Variants in BACH2 observed in about 807,000 individuals in gnomAD.
The protein encoded by BACH2 is BACH transcriptional regulator 2, also known as transcription regulator protein BACH2.
BACH2 carries 5 observed loss-of-function variants against 61.8 expected under a neutral mutation model. That is an observed-to-expected ratio of 0.08 (90% CI 0.04 to 0.17). BACH2 has a LOEUF of 0.17. BACH2 is among the 10% of genes least tolerant of loss of function. The probability of loss-of-function intolerance (pLI) is 1.00; values close to 1 mark genes in which losing one functional copy is unlikely to be tolerated. For missense variants in BACH2, 824 were observed against 1,091.1 expected, an observed-to-expected ratio of 0.76 and a Z score of 3.45; for synonymous variants, 446 against 440.1, an observed-to-expected ratio of 1.01 and a Z score of -0.17.
chr6:90,231,070 C>A (rs1188352896), intron 3 of BACH2, among the ~76,000 whole-genome samples: 1 of 152,168 alleles, frequency 6.6e-6, no homozygotes, highest in Non-Finnish European at 1.5e-5. Context: ...CCACACCCTG[C>A]AGGCCATTTC....
chr6:90,223,073 T>TAAGGAAG (rs1237348901), intron 3 of BACH2, among the ~76,000 whole-genome samples: 1 of 152,224 alleles, frequency 6.6e-6, no homozygotes, highest in Non-Finnish European at 1.5e-5. Flanking sequence ...TTCCCCTTCC[T>TAAGGAAG]TGTCCAGTGT....
At chr6:90,105,437 C>T (rs1782858536) in intron 4 of BACH2, among the ~76,000 whole-genome samples, 1 of 152,156 alleles carries the variant, frequency 6.6e-6, no homozygotes, top group African/African-American at 2.4e-5. Context: ...TCCATACATA[C>T]TTTGTAATGT....
intron 4 of BACH2, among the ~76,000 whole-genome samples, chr6:90,093,344 G>A (rs1460013625): frequency 6.6e-6 from 1 of 152,126 alleles, no homozygotes; most frequent in Non-Finnish European, 1.5e-5. Context: ...GGTATTATGA[G>A]TGCACATCAG....
At chr6:90,080,832 A>G (rs1314835243) in intron 5 of BACH2, 1 of 939,016 alleles carries the variant, frequency 1.1e-6, no homozygotes, top group Non-Finnish European at 1.3e-6. Context: ...TGCCCTGCAG[A>G]GCTAACACCG....
At chr6:90,101,743 G>C (rs1782635487) in intron 4 of BACH2, among the ~76,000 whole-genome samples, 1 of 152,104 alleles carries the variant, frequency 6.6e-6, no homozygotes, top group Non-Finnish European at 1.5e-5. Context: ...TGACTATATA[G>C]GTTTGGATAG....
At chr6:89,985,934 T>A (rs1562346615) in intron 6 of BACH2, among the ~76,000 whole-genome samples, 1 of 152,206 alleles carries the variant, frequency 6.6e-6, no homozygotes, top group Admixed American at 6.5e-5. Flanking sequence ...GAAACCAAAG[T>A]ACAGCTGTGG....
At chr6:90,283,516 C>T (rs1029549852) in intron 1 of BACH2, among the ~76,000 whole-genome samples, 13 of 152,064 alleles carry the variant, frequency 8.5e-5, no homozygotes, top group Non-Finnish European at 1.6e-4. Flanking sequence ...GCTGGGACTA[C>T]AGGTGCCTGC....
At chr6:90,100,710 C>CATACACACACACACAG (rs1230504434) in intron 4 of BACH2, among the ~76,000 whole-genome samples, 44 of 139,848 alleles carry the variant, frequency 3.1e-4, no homozygotes, top group Middle Eastern at 3.6e-3. Context: ...CAGACACACA[C>CATACACACACACACAG]ACACACACAC....
chr6:90,050,684 A>G (rs946932436), intron 5 of BACH2, among the ~76,000 whole-genome samples: 4 of 152,178 alleles, frequency 2.6e-5, no homozygotes, highest in Non-Finnish European at 5.9e-5. Flanking sequence ...AAAATTAACT[A>G]ATAGATACTT....
intron 4 of BACH2, among the ~76,000 whole-genome samples, chr6:90,205,180 A>G (rs1769099465): frequency 6.6e-6 from 1 of 152,204 alleles, no homozygotes; most frequent in African/African-American, 2.4e-5. Context: ...AAGAATTTCA[A>G]CAGGGAAATG....
intron 6 of BACH2, among the ~76,000 whole-genome samples, chr6:89,977,948 C>T (rs1775745633): frequency 6.6e-6 from 1 of 152,222 alleles, no homozygotes; most frequent in Admixed American, 6.5e-5. Flanking sequence ...GCATCAGCAG[C>T]TGCTGCCCCT....
chr6:90,092,631 C>CT (rs541959464), intron 4 of BACH2, among the ~76,000 whole-genome samples: 4 of 151,728 alleles, frequency 2.6e-5, no homozygotes, highest in Non-Finnish European at 5.9e-5. Context: ...TATTAGGTAT[C>CT]TTTTTTTTAA....
At position 90,164,907 on chromosome 6, in the gene BACH2, T is replaced by C. The variant is rs1044919958; in HGVS notation, c.-162+41662A>G. The stretch of plus-strand genomic sequence containing the variant: ...CTCAATAAATTAGGTATTGATGGGA[T>C]GTATCTCAAAATAATAAGAGCTATT... On this transcript the variant is annotated intron_variant, in intron 4 of 8. Coordinates refer to ENST00000257749, the MANE Select transcript of BACH2 (RefSeq NM_021813.4). 3.2e-4 allele frequency among the ~76,000 whole-genome samples: 49 copies of C among 152,230 alleles called. No homozygotes were observed. The East Asian group carries it at 5.8e-3, about 18-fold the overall frequency.
intron 4 of BACH2, among the ~76,000 whole-genome samples, chr6:90,112,625 A>C (rs1277668716): frequency 6.6e-6 from 1 of 152,184 alleles, no homozygotes; most frequent in Non-Finnish European, 1.5e-5. Flanking sequence ...GAAAGGAAAG[A>C]CTGCTATCAG....
intron 4 of BACH2, among the ~76,000 whole-genome samples, chr6:90,097,265 C>T (rs1782417815): frequency 1.5e-5 from 1 of 65,574 alleles, no homozygotes; most frequent in South Asian, 6.2e-4. Flanking sequence ...TCATAGTGTT[C>T]TATAGATTTT....
chr6:89,981,618 AG>A (rs1393306910), intron 6 of BACH2, among the ~76,000 whole-genome samples: 4 of 152,224 alleles, frequency 2.6e-5, no homozygotes, highest in African/African-American at 9.6e-5. Context: ...AAAAATAAAA[AG>A]ATCAGAAAAG....
At chr6:90,130,082 G>A (rs1784028735) in intron 4 of BACH2, among the ~76,000 whole-genome samples, 1 of 152,030 alleles carries the variant, frequency 6.6e-6, no homozygotes, top group African/African-American at 2.4e-5. Flanking sequence ...TGTTGGTCAG[G>A]CTGGTCTCAA....
intron 5 of BACH2, among the ~76,000 whole-genome samples, chr6:90,009,940 C>A (rs1777617869): frequency 6.6e-6 from 1 of 152,244 alleles, no homozygotes; most frequent in Non-Finnish European, 1.5e-5. Context: ...GCTGGGATTA[C>A]AGGCGTGAGC....
At chr6:90,015,014 C>G (rs1442469728) in intron 5 of BACH2, among the ~76,000 whole-genome samples, 1 of 149,122 alleles carries the variant, frequency 6.7e-6, no homozygotes, top group African/African-American at 2.5e-5. Flanking sequence ...CTCTTGGTGT[C>G]AAGTGATTCT....
Sources: gnomAD v4.1 joint callset for allele counts (sites outside exome capture counted in the v4.1 genomes callset) on GRCh38, gnomAD v4.1.1 for gene constraint, MANE v1.5 for transcripts, NCBI Gene and HGNC (gene_info 2026-07-23, HGNC 2026-07-21) for gene names.